Variants in MYOM1 observed in about 807,000 individuals in gnomAD.
MYOM1 encodes the protein myomesin 1, also known as myomesin-1.
Under a neutral mutation model 205.3 loss-of-function variants are expected in MYOM1, and 164 were observed. That is an observed-to-expected ratio of 0.80 (90% CI 0.70 to 0.91). The LOEUF (loss-of-function observed/expected upper bound fraction) is 0.91. Ranked by LOEUF, MYOM1 falls within the 40% of genes least tolerant of loss-of-function variation. MYOM1 has a pLI of 0.00. For synonymous variants in MYOM1, 772 were observed against 789.4 expected, an observed-to-expected ratio of 0.98 and a Z score of 0.37; for missense variants, 2,011 against 2,127.3, an observed-to-expected ratio of 0.95 and a Z score of 1.08.
At chr18:3,156,664 G>A (rs191343927) in intron 10 of MYOM1, among the ~76,000 whole-genome samples, 2 of 151,428 alleles carry the variant, frequency 1.3e-5, no homozygotes, top group African/African-American at 4.9e-5. Flanking sequence ...GGAGGGCAGA[G>A]GTGGGATCTC....
At position 3,102,512 on chromosome 18, in the gene MYOM1, C is replaced by T. The variant is rs1425615213; in HGVS notation, c.3537G>A (p.Glu1179=). 6.2e-7 allele frequency: 1 copy of T among 1,613,642 alleles called. No homozygotes were observed. Among genetic ancestry groups the T allele is most frequent in the Admixed American group, 1.7e-5 (1 of 59,988 alleles). ...TTTCGACTTCCAATCGTGGAGAGTC[C>T]TCAGTGGATACATAATCTTTGGACC... ...FSWSKDYVST[E]DSPRLEVESK... is the part of the protein sequence containing the mutation. Residue 1179 remains glutamate, a synonymous_variant, in exon 23 of 38, where the codon GAG becomes GAA. Coordinates refer to ENST00000356443, the MANE Select transcript of MYOM1 (RefSeq NM_003803.4).
At chr18:3,246,168 G>A in the MYOM1 span, 4 of 152,262 alleles carry the variant, frequency 2.6e-5, no homozygotes, top group Non-Finnish European at 5.9e-5. Flanking sequence ...CTCTGGAGAG[G>A]ACGCTGGCGG....
intron 2 of MYOM1, among the ~76,000 whole-genome samples, chr18:3,195,469 TAC>T (rs2080982221): frequency 6.6e-6 from 1 of 152,204 alleles, no homozygotes. Context: ...GCTGTGCTTA[TAC>T]AGGTCTAAGT....
intron 18 of MYOM1, among the ~76,000 whole-genome samples, chr18:3,127,305 A>ATTTTTTTT (rs1555620545): frequency 1.5e-4 from 7 of 47,582 alleles, no homozygotes; most frequent in African/African-American, 5.5e-4. Context: ...ATATATATAT[A>ATTTTTTTT]TTTTTTTTTT....
intron 2 of MYOM1, among the ~76,000 whole-genome samples, chr18:3,203,998 A>G (rs2081100358): frequency 6.6e-6 from 1 of 151,988 alleles, no homozygotes; most frequent in Admixed American, 6.5e-5. Flanking sequence ...TAGAATAAAA[A>G]GCAAAAACCA....
At chr18:3,220,794 T>G (rs1202600733), upstream of MYOM1, among the ~76,000 whole-genome samples, 1 of 152,182 alleles carries the variant, frequency 6.6e-6, no homozygotes, top group Non-Finnish European at 1.5e-5. Flanking sequence ...CATATCCAAA[T>G]TATAGGATTG....
chr18:3,148,844 C>CAAAAAAAA (rs71159049), intron 13 of MYOM1, among the ~76,000 whole-genome samples: 18 of 47,950 alleles, frequency 3.8e-4, no homozygotes, highest in Non-Finnish European at 5.3e-4. Flanking sequence ...AGACTCCATC[C>CAAAAAAAA]AAAAAAAAAA....
chr18:3,126,925 A>G (rs1400950280), intron 18 of MYOM1, 28 bp from the exon 19 acceptor site: 1 of 1,571,132 alleles, frequency 6.4e-7, no homozygotes, highest in East Asian at 2.3e-5. Context: ...GCTTGTGAGT[A>G]GGCAGAAATG....
intron 2 of MYOM1, among the ~76,000 whole-genome samples, chr18:3,207,147 T>A (rs1197652431): frequency 6.6e-6 from 1 of 152,210 alleles, no homozygotes; most frequent in Non-Finnish European, 1.5e-5. Flanking sequence ...TGTATAGCCA[T>A]GATATAAAAA....
intron 34 of MYOM1, among the ~76,000 whole-genome samples, chr18:3,077,258 A>G (rs907234861): frequency 2.6e-5 from 4 of 151,812 alleles, no homozygotes; most frequent in Admixed American, 1.3e-4. Flanking sequence ...GGCTCAATCG[A>G]TCCCCCTGCC....
chr18:3,151,438 T>A (rs1035652900), intron 12 of MYOM1, among the ~76,000 whole-genome samples: 18 of 145,734 alleles, frequency 1.2e-4, no homozygotes, highest in African/African-American at 4.3e-4. Context: ...CTGAATAAAA[T>A]AAAATAAAAT....
intron 13 of MYOM1, 107 bp downstream of exon 13, chr18:3,149,038 G>A: frequency 1.2e-6 from 1 of 859,780 alleles, no homozygotes; most frequent in Admixed American, 1.9e-5. Flanking sequence ...ATTTTAGAAT[G>A]TTCTTACCAA....
At position 3,067,300 on chromosome 18, in the gene MYOM1, C is replaced by A. The variant is rs761995377; in HGVS notation, c.5020G>T (p.Ala1674Ser). 1 of 1,609,828 alleles carries A rather than the reference C, an allele frequency of 6.2e-7. No homozygotes were observed. Among genetic ancestry groups the A allele is most frequent in the African/African-American group, 1.3e-5 (1 of 74,950 alleles). Residue 1674 changes from alanine to serine, a missense_variant, in exon 38 of 38, where the codon GCC (alanine) becomes TCC (serine). Ala to Ser is a moderately conservative substitution (Grantham distance 99). Transcript: ENST00000356443. ...TTGCCACCTTTCAGGGACTCCAAGG[C>A]GGCCATCCTCGCCTCCTCCTCTGGG... is the stretch of plus-strand genomic sequence containing the variant. Reference protein sequence around the residue: ...FIPEEEARMAALESLKGGKKA... With the variant: ...FIPEEEARMASLESLKGGKKA...
chr18:3,154,851 C>A, intron 11 of MYOM1, 96 bp downstream of exon 11: 6 of 1,378,524 alleles, frequency 4.4e-6, no homozygotes, highest in East Asian at 2.5e-5. Context: ...AGAGGAAAGC[C>A]AGAAAAGAAA....
chr18:3,082,306 A>G (rs539451864), intron 33 of MYOM1, among the ~76,000 whole-genome samples: 3 of 152,276 alleles, frequency 2.0e-5, no homozygotes, highest in Admixed American at 2.0e-4. Context: ...TAGTACCATG[A>G]TGAACCGGGC....
intron 19 of MYOM1, among the ~76,000 whole-genome samples, 170 bp downstream of exon 19, chr18:3,126,531 T>C (rs1287404338): frequency 3.3e-5 from 5 of 152,300 alleles, no homozygotes; most frequent in African/African-American, 1.2e-4. Context: ...TTAGCCAAAC[T>C]ACTTGTATTC....
chr18:3,095,020 T>C (rs1393261168), intron 25 of MYOM1, among the ~76,000 whole-genome samples: 2 of 152,158 alleles, frequency 1.3e-5, no homozygotes, highest in Non-Finnish European at 2.9e-5. Flanking sequence ...AATTAATATT[T>C]CTTTGTATTT....
chr18:3,173,615 T>A lies in MYOM1; in HGVS notation c.1174+323A>T, dbSNP rs994774708. On this transcript the variant is annotated intron_variant, in intron 8 of 37. Transcript: ENST00000356443. ...GTGTGTGTGTGTGTGTGTGTGTGTG[T>A]GTGTTTGGTTAAGTCGTTCTGCCCA... is the stretch of plus-strand genomic sequence containing the variant. Among the ~76,000 whole-genome samples the A allele has an allele frequency of 6.7e-5, 10 of 149,912 alleles. No individual in the cohort carries two copies. The South Asian group carries it at 1.0e-3, about 16-fold the overall frequency.
rs540448434 is a variant in MYOM1, at chr18:3,114,429, G to A, written c.3303+1902C>T. Among the ~76,000 whole-genome samples, 67 of 151,610 alleles carry A rather than the reference G, an allele frequency of 4.4e-4. 1 individual carries two copies. The highest frequency in any genetic ancestry group is 8.7e-4 in the Non-Finnish European group (59 of 67,936). ...GTCTCGTTCTGTTGCCCGGGCTGGA[G>A]TGCAGTGGTGCAATCACAGCTCACT... On this transcript the variant is annotated intron_variant, in intron 21 of 37. Transcript: ENST00000356443.
Sources: allele counts gnomAD v4.1 joint callset (sites outside exome capture counted in the v4.1 genomes callset), GRCh38; gene constraint gnomAD v4.1.1; transcripts MANE v1.5; gene names NCBI Gene and HGNC (gene_info 2026-07-23, HGNC 2026-07-21).